The following PRPF6 variants were observed in gnomAD, a reference collection of about 807,000 sequenced individuals.
PRPF6 encodes the protein pre-mRNA-processing factor 6.
A neutral mutation model predicts 118.3 loss-of-function variants in PRPF6; 42 were observed. That is an observed-to-expected ratio of 0.35 (90% CI 0.28 to 0.46). The LOEUF (loss-of-function observed/expected upper bound fraction) is 0.46. Among genes scored for constraint, PRPF6 ranks in the 20% least tolerant of loss-of-function variants. PRPF6 has a pLI of 1.00. For missense variants in PRPF6, 662 were observed against 1,255.7 expected (o/e 0.53, Z 7.15); for synonymous variants, 481 against 485.1 (o/e 0.99, Z 0.11).
At chr20:64,022,942 C>A in intron 13 of PRPF6, 64 bp downstream of exon 13, 1 of 1,611,200 alleles carries the variant, frequency 6.2e-7, no homozygotes, top group South Asian at 1.1e-5. Context: ...TTGTGTAGCC[C>A]TGAATTTAAA....
chr20:64,000,630 G>A (rs1474706210), intron 8 of PRPF6, among the ~76,000 whole-genome samples: 3 of 150,054 alleles, frequency 2.0e-5, no homozygotes, highest in Non-Finnish European at 4.4e-5. Flanking sequence ...GTACAGTGGC[G>A]TGATCTCAGC....
chr20:64,029,988 G>C lies in PRPF6; in HGVS notation c.2546+497G>C, dbSNP rs1394625846. Among the ~76,000 whole-genome samples, 1 of 152,188 alleles carries C rather than the reference G, an allele frequency of 6.6e-6. No individual in the cohort carries two copies. The highest frequency in any genetic ancestry group is 1.5e-5 in the Non-Finnish European group (1 of 68,026). On this transcript the variant is annotated intron_variant, in intron 19 of 20. Transcript: ENST00000266079. The surrounding 1 kb of genome is among the most constrained non-coding windows in gnomAD (Gnocchi z 4.8). ...CTGGGGACGCGTGTGATTCACACTG[G>C]TGCGCTGGCCGCTGGGTCAGAGACT... is the stretch of plus-strand genomic sequence containing the variant.
chr20:63,999,501 ATAGT>A (rs1447160062), intron 7 of PRPF6, 98 bp from the exon 8 acceptor site: 26 of 1,466,234 alleles, frequency 1.8e-5, no homozygotes, highest in Non-Finnish European at 2.4e-5. Flanking sequence ...ATCAGGACTG[ATAGT>A]TCTTACATTG....
At chr20:64,016,469 C>G (rs2059239000) in intron 11 of PRPF6, among the ~76,000 whole-genome samples, 1 of 152,148 alleles carries the variant, frequency 6.6e-6, no homozygotes, top group African/African-American at 2.4e-5. Context: ...CTTTACATTT[C>G]TTTTCACATG....
At chr20:63,981,646 C>CG (rs1020523429) in intron 1 of PRPF6, among the ~76,000 whole-genome samples, 1 of 143,756 alleles carries the variant, frequency 7.0e-6, no homozygotes, top group African/African-American at 2.6e-5. Context: ...CTGACACTCC[C>CG]CCCCCCCGCC....
chr20:63,993,276 A>ATT (rs1225524955), intron 3 of PRPF6, 131 bp from the exon 4 acceptor site: 2 of 490,534 alleles, frequency 4.1e-6, no homozygotes, highest in South Asian at 3.5e-5. Flanking sequence ...ATGTATATAT[A>ATT]TATATATATA....
chr20:64,011,776 C>A lies in PRPF6; in HGVS notation c.1524+273C>A, dbSNP rs1443721202. On this transcript the variant is annotated intron_variant, in intron 11 of 20. Coordinates refer to ENST00000266079, the MANE Select transcript of PRPF6 (RefSeq NM_012469.4). The surrounding 1 kb of genome is among the most constrained non-coding windows in gnomAD (Gnocchi z 6.7). ...CATTTCTTTGCTAGTAGAAATGATA[C>A]ACCTACGAGAGGAGGACAGGAAGTC... Among the ~76,000 whole-genome samples, 1 of 150,062 alleles carries A rather than the reference C, an allele frequency of 6.7e-6. No homozygotes were observed. The highest frequency in any genetic ancestry group is 1.5e-5 in the Non-Finnish European group (1 of 67,518).
rs540308288 is a variant in PRPF6, at chr20:63,995,415, C to T, written c.704C>T (p.Thr235Ile). 6.2e-7 allele frequency: 1 copy of T among 1,614,186 alleles called. No homozygotes were observed. Among genetic ancestry groups the T allele is most frequent in the Non-Finnish European group, 8.5e-7 (1 of 1,180,040 alleles). The change falls in exon 6 of 21, where the codon ACA (threonine) becomes ATA (isoleucine). Residue 235 changes from threonine to isoleucine, a missense_variant. By Grantham distance (89) the Thr-to-Ile change is moderately conservative. Around this residue, in one of 10 missense-constraint regions of PRPF6, gnomAD observed 97 missense variants for 122.6 expected, o/e 0.79. Coordinates refer to ENST00000266079, the MANE Select transcript of PRPF6 (RefSeq NM_012469.4). The part of the protein sequence containing the change: ...GMTPGLMTPG[T>I]GELDMRKIGQ... ...ACGCCAGGACTGATGACACCTGGCA[C>T]AGGTGAGCTGGACATGAGGAAGATT...
chr20:64,008,106 A>G (rs2059198745), intron 9 of PRPF6, among the ~76,000 whole-genome samples: 1 of 152,186 alleles, frequency 6.6e-6, no homozygotes, highest in Non-Finnish European at 1.5e-5. Context: ...ACATCATTAA[A>G]TGTCTACTGC....
At chr20:64,032,133 C>A in intron 20 of PRPF6, 89 bp downstream of exon 20, 6 of 1,593,144 alleles carry the variant, frequency 3.8e-6, no homozygotes, top group Non-Finnish European at 5.1e-6. Context: ...GAGGTGGCCA[C>A]GGCCAGCGTG....
chr20:64,008,119 T>A (rs1302307150), intron 9 of PRPF6, among the ~76,000 whole-genome samples: 2 of 152,196 alleles, frequency 1.3e-5, no homozygotes, highest in African/African-American at 4.8e-5. Flanking sequence ...TCTACTGCAT[T>A]CATATTTTTC....
intron 6 of PRPF6, among the ~76,000 whole-genome samples, chr20:63,996,403 TC>T (rs34096438): frequency 6.6e-6 from 1 of 152,214 alleles, no homozygotes; most frequent in East Asian, 1.9e-4. Flanking sequence ...AGCCTTGACC[TC>T]CCTGGGCTAA....
intron 19 of PRPF6, among the ~76,000 whole-genome samples, chr20:64,030,153 G>A (rs73916685): frequency 1.3e-5 from 2 of 152,236 alleles, no homozygotes; most frequent in African/African-American, 4.8e-5. Flanking sequence ...CCGACCCCCA[G>A]GGTCCCTGTT....
intron 9 of PRPF6, among the ~76,000 whole-genome samples, chr20:64,007,229 G>A (rs1162149211): frequency 6.6e-6 from 1 of 152,232 alleles, no homozygotes; most frequent in Non-Finnish European, 1.5e-5. Flanking sequence ...AACACCTGGA[G>A]TGGGCAGCAG....
chr20:64,021,777 T>C (rs1322932492), intron 12 of PRPF6, among the ~76,000 whole-genome samples: 9 of 142,166 alleles, frequency 6.3e-5, no homozygotes, highest in East Asian at 2.2e-4. Context: ...GCCACAGCCC[T>C]GTGTGTGTGC....
chr20:64,026,111 C>A lies in PRPF6; in HGVS notation c.2028+53C>A. On this transcript the variant is annotated intron_variant, in intron 15 of 20. Coordinates refer to ENST00000266079, the MANE Select transcript of PRPF6 (RefSeq NM_012469.4). This position sits in a 1 kb window ranked among gnomAD's most constrained non-coding sequence, Gnocchi z 4.4. ...GTCTGGGGTGCATGGTGTGCACATG[C>A]GGGCCCCACGCCTGGCTTGGGTGGT... 1.3e-6 allele frequency: 2 copies of A among 1,595,120 alleles called. No individual in the cohort carries two copies. Among genetic ancestry groups the A allele is most frequent in the Non-Finnish European group, 1.7e-6 (2 of 1,178,562 alleles).
chr20:64,004,023 C>T (rs557645732), intron 9 of PRPF6, among the ~76,000 whole-genome samples: 21 of 152,318 alleles, frequency 1.4e-4, no homozygotes, highest in African/African-American at 3.8e-4. Context: ...CCATGAAAGT[C>T]TGGGTAATTA....
chr20:64,022,703 C>G (rs2059271890), intron 12 of PRPF6, 54 bp from the exon 13 acceptor site: 1 of 1,612,982 alleles, frequency 6.2e-7, no homozygotes, highest in South Asian at 1.1e-5. Flanking sequence ...CATCATGCCA[C>G]TTGTTCTGTG....
At chr20:63,993,742 TC>T (rs1367915388) in intron 4 of PRPF6, among the ~76,000 whole-genome samples, 1 of 151,864 alleles carries the variant, frequency 6.6e-6, no homozygotes, top group Non-Finnish European at 1.5e-5. Flanking sequence ...CCTAAGATTT[TC>T]TTTTTTCTTT....
Sources: allele counts gnomAD v4.1 joint callset (sites outside exome capture counted in the v4.1 genomes callset), GRCh38; gene constraint gnomAD v4.1.1; regional missense constraint gnomAD v4.1.1; non-coding constraint Gnocchi (gnomAD v3.1); transcripts MANE v1.5; gene names NCBI Gene and HGNC (gene_info 2026-07-23, HGNC 2026-07-21).